Variants in DSCAM observed in about 807,000 individuals in gnomAD.
The protein encoded by DSCAM is cell adhesion molecule DSCAM.
In DSCAM, 47 loss-of-function variants were observed where a neutral mutation model predicts 217.7. That is an observed-to-expected ratio of 0.22 (90% CI 0.17 to 0.28). DSCAM has a LOEUF of 0.28. DSCAM is among the 10% of genes least tolerant of loss of function. The pLI, the probability that DSCAM is intolerant of heterozygous loss-of-function variation, is 1.00. For missense variants in DSCAM, 2,080 were observed against 2,618.3 expected, an observed-to-expected ratio of 0.79 and a Z score of 4.49; for synonymous variants, 1,056 against 1,015.3, an observed-to-expected ratio of 1.04 and a Z score of -0.76.
chr21:40,528,420 G>A (rs542984896), intron 3 of DSCAM, among the ~76,000 whole-genome samples: 4 of 152,146 alleles, frequency 2.6e-5, no homozygotes, highest in Non-Finnish European at 5.9e-5. Flanking sequence ...TATACATAGA[G>A]TGTGTAGAAA....
chr21:40,540,718 G>C (rs1286330439), intron 3 of DSCAM, among the ~76,000 whole-genome samples: 4 of 152,028 alleles, frequency 2.6e-5, no homozygotes, highest in African/African-American at 4.8e-5. Context: ...TGCCCTAAAA[G>C]AGCTCCCCCA....
At chr21:40,089,573 T>G (rs993334899) in intron 21 of DSCAM, among the ~76,000 whole-genome samples, 1 of 152,182 alleles carries the variant, frequency 6.6e-6, no homozygotes, top group Non-Finnish European at 1.5e-5. Flanking sequence ...CTTCTTCAAC[T>G]GTATCTGAAT....
rs536367981 is a variant in DSCAM at position 40,319,437 on chromosome 21, A to ATGTGTGTG, written c.1784-7086_1784-7079dup. Among the ~76,000 whole-genome samples the ATGTGTGTG allele has an allele frequency of 4.8e-3, 728 of 151,596 alleles. 4 individuals are homozygous for ATGTGTGTG. Among genetic ancestry groups the ATGTGTGTG allele is most frequent in the African/African-American group, 0.017 (695 of 41,366 alleles). ...AAGGCTAAATAATGTTCGTGTGTGC[A>ATGTGTGTG]TGTGTGTGTGTGTGTATGTGTGTGT... On this transcript the variant is annotated intron_variant, in intron 8 of 32. Transcript: ENST00000400454.
chr21:40,687,754 G>C (rs761263009), intron 3 of DSCAM, among the ~76,000 whole-genome samples: 3 of 152,174 alleles, frequency 2.0e-5, no homozygotes, highest in Non-Finnish European at 2.9e-5. Flanking sequence ...CGTGTGTGTA[G>C]CTACAGCCTC....
At chr21:40,375,482 G>C (rs1226739323) in intron 3 of DSCAM, among the ~76,000 whole-genome samples, 1 of 152,226 alleles carries the variant, frequency 6.6e-6, no homozygotes, top group Non-Finnish European at 1.5e-5. Context: ...TCTGAGCCCA[G>C]ATCTCTCCCT....
intron 32 of DSCAM, among the ~76,000 whole-genome samples, chr21:40,013,947 T>C (rs1037734918): frequency 6.6e-6 from 1 of 152,250 alleles, no homozygotes; most frequent in Non-Finnish European, 1.5e-5. Flanking sequence ...CCTGCCTACC[T>C]GCTAACTTCT....
At chr21:40,054,509 T>TA (rs747611374) in intron 29 of DSCAM, among the ~76,000 whole-genome samples, 13 of 152,158 alleles carry the variant, frequency 8.5e-5, no homozygotes, top group Non-Finnish European at 1.8e-4. Flanking sequence ...ACCACTGCCT[T>TA]CCCGGCAGGA....
intron 10 of DSCAM, among the ~76,000 whole-genome samples, chr21:40,294,226 T>C (rs572307812): frequency 8.5e-5 from 13 of 152,204 alleles, no homozygotes; most frequent in Non-Finnish European, 1.6e-4. Context: ...ATTTAATCTA[T>C]GTAGAAACAC....
chr21:40,368,905 C>G (rs2123697435), intron 4 of DSCAM, among the ~76,000 whole-genome samples, 194 bp downstream of exon 4: 1 of 152,246 alleles, frequency 6.6e-6, no homozygotes, highest in Non-Finnish European at 1.5e-5. Flanking sequence ...ACTGGTTTGA[C>G]AAATGTGAAA....
intron 3 of DSCAM, among the ~76,000 whole-genome samples, chr21:40,481,219 G>A (rs2075979228): frequency 6.6e-6 from 1 of 152,178 alleles, no homozygotes; most frequent in African/African-American, 2.4e-5. Context: ...GCCGGGTGCG[G>A]TAGCTCACGC....
intron 10 of DSCAM, among the ~76,000 whole-genome samples, chr21:40,295,060 T>C (rs564729963): frequency 1.3e-5 from 2 of 152,194 alleles, no homozygotes; most frequent in South Asian, 4.1e-4. Context: ...GTTGCTTCCA[T>C]AATGAGAAAA....
chr21:40,217,288 G>C (rs1000675953), intron 11 of DSCAM, among the ~76,000 whole-genome samples: 25 of 152,264 alleles, frequency 1.6e-4, no homozygotes, highest in African/African-American at 5.8e-4. Context: ...ATTCATAATT[G>C]TAATACTGAG....
chr21:40,525,829 C>A (rs562081740), intron 3 of DSCAM, among the ~76,000 whole-genome samples: 3 of 152,306 alleles, frequency 2.0e-5, no homozygotes, highest in South Asian at 2.1e-4. Flanking sequence ...CTACTGAAAA[C>A]CCCTGTGGCC....
rs192626017 is a variant in DSCAM at position 40,014,536 on chromosome 21, C to T, written c.5687-1150G>A. ...ACAGGGCTTTTCTCATGGCCGTCCC[C>T]GCCCGATGCAGGATCTCCCTAACAG... On this transcript the variant is annotated intron_variant, in intron 32 of 32. Transcript: ENST00000400454. 2.0e-5 allele frequency among the ~76,000 whole-genome samples: 3 copies of T among 152,312 alleles called. No individual in the cohort carries two copies. The East Asian group carries it at 5.8e-4, about 29-fold the overall frequency.
intron 3 of DSCAM, among the ~76,000 whole-genome samples, chr21:40,557,931 A>T (rs540625043): frequency 6.6e-6 from 1 of 152,314 alleles, no homozygotes; most frequent in East Asian, 1.9e-4. Context: ...TTTTGCTACA[A>T]ACGTTAGCAA....
intron 3 of DSCAM, among the ~76,000 whole-genome samples, chr21:40,474,332 A>G (rs1431148643): frequency 6.6e-5 from 10 of 152,032 alleles, no homozygotes; most frequent in African/African-American, 1.9e-4. Context: ...AAACACAACC[A>G]AAAATACAAA....
intron 19 of DSCAM, among the ~76,000 whole-genome samples, chr21:40,131,045 T>G (rs2090149778): frequency 6.6e-6 from 1 of 152,234 alleles, no homozygotes; most frequent in South Asian, 2.1e-4. Context: ...AGTATCTTAT[T>G]GAGAAAGAAC....
At chr21:40,311,569 GAT>G (rs1327782858) in intron 9 of DSCAM, among the ~76,000 whole-genome samples, 1 of 152,130 alleles carries the variant, frequency 6.6e-6, no homozygotes, top group Non-Finnish European at 1.5e-5. Flanking sequence ...CCAAAATAAT[GAT>G]AGATTTAATG....
At chr21:40,033,793 AAG>A (rs1568902037) in intron 32 of DSCAM, among the ~76,000 whole-genome samples, 1 of 150,840 alleles carries the variant, frequency 6.6e-6, no homozygotes, top group African/African-American at 2.5e-5. Flanking sequence ...GACAGCTTTG[AAG>A]AGAGCAGTGG....
Sources: gnomAD v4.1 joint callset for allele counts (sites outside exome capture counted in the v4.1 genomes callset) on GRCh38, gnomAD v4.1.1 for gene constraint, MANE v1.5 for transcripts, NCBI Gene and HGNC (gene_info 2026-07-23, HGNC 2026-07-21) for gene names.